BBOF1: variants seen among roughly 807,000 people sequenced by gnomAD.
BBOF1 encodes basal body-orientation factor 1.
Under a neutral mutation model 68.0 loss-of-function variants are expected in BBOF1, and 62 were observed. The observed-to-expected ratio is 0.91, with a 90% CI of 0.74 to 1.13. The LOEUF is 1.13. Among genes scored for constraint, BBOF1 ranks in the 50% most tolerant of loss-of-function variants. BBOF1 has a pLI of 0.00. For synonymous variants in BBOF1, 208 were observed against 198.8 expected (o/e 1.05, Z -0.39); for missense variants, 534 against 600.1 (o/e 0.89, Z 1.15).
At chr14:74,023,925 C>CAA (rs780429164) in intron 2 of BBOF1, among the ~76,000 whole-genome samples, 11 of 46,756 alleles carry the variant, frequency 2.4e-4, no homozygotes, top group Middle Eastern at 0.011. Context: ...GACTCCATCT[C>CAA]AAAAAAAAAA....
chr14:74,026,029 T>C (rs1019377938), intron 2 of BBOF1, among the ~76,000 whole-genome samples: 1 of 151,332 alleles, frequency 6.6e-6, no homozygotes, highest in Non-Finnish European at 1.5e-5. Context: ...CAGTCCCAGC[T>C]GCTTGGGAGG....
rs777296353 is a variant in BBOF1, at chr14:74,079,760, G to A, written n.1537-1307G>A. Among the ~76,000 whole-genome samples, 191 of 152,226 alleles carry A rather than the reference G, an allele frequency of 1.3e-3. 3 individuals carry two copies. The highest frequency in any genetic ancestry group is 4.8e-3 in the Admixed American group (74 of 15,276). ...TTTTTTGTATTTTTAGTGGAGATGC[G>A]GTTTTGTCATGTTGGCCAGGCTGGT... On this transcript the variant is annotated intron_variant and non_coding_transcript_variant, in intron 10 of 12. Coordinates refer to the BBOF1 transcript ENST00000492026.
rs2059344178 is a variant in BBOF1, at chr14:74,023,274, ACTC to A, written c.285+131_285+133del. The A allele has an allele frequency of 5.6e-6, 3 of 536,258 alleles. No individual in the cohort carries two copies. The Admixed American group carries it at 1.0e-4, about 18-fold the overall frequency. The allele number at this position is 536,258 out of a possible 1,614,324, so 33.2% of individuals were successfully genotyped here. A position where few individuals can be genotyped will look rare whatever the true frequency, so the allele number is the denominator to read the frequency against. The stretch of plus-strand genomic sequence containing the variant: ...ACTTAAGACATTTCAATTGACCTTA[ACTC>A]TGTTTGAAGCAAGACACTTTTTCAG... On this transcript the variant is annotated intron_variant, in intron 2 of 11. Transcript: ENST00000394009.
intron 9 of BBOF1, among the ~76,000 whole-genome samples, chr14:74,075,839 T>C (rs1029997074): frequency 6.6e-6 from 1 of 152,140 alleles, no homozygotes; most frequent in African/African-American, 2.4e-5. Flanking sequence ...ATGTCTACCA[T>C]TGGATGGGTG....
intron 12 of BBOF1, among the ~76,000 whole-genome samples, chr14:74,081,499 G>GT (rs983172733): frequency 6.6e-6 from 1 of 152,158 alleles, no homozygotes; most frequent in African/African-American, 2.4e-5. Flanking sequence ...TATTCATATA[G>GT]TTTTTTGACA....
rs1039359092 is a variant in BBOF1 at position 74,037,206 on chromosome 14, G to T, written c.495+3035G>T. On this transcript the variant is annotated intron_variant, in intron 4 of 11. Coordinates refer to ENST00000394009, the MANE Select transcript of BBOF1 (RefSeq NM_025057.3). ...GCCAGGATAGTCTCAATCTCCTGAC[G>T]TCATGATCTGCCCACCTCGGCCTCC... Among the ~76,000 whole-genome samples the T allele has an allele frequency of 8.9e-5, 13 of 146,692 alleles. No individual in the cohort carries two copies. In the Admixed American group the frequency reaches 9.0e-4, roughly 10 times the overall value.
intron 6 of BBOF1, among the ~76,000 whole-genome samples, chr14:74,046,584 G>C (rs1404847537): frequency 1.3e-5 from 2 of 152,052 alleles, no homozygotes; most frequent in Non-Finnish European, 2.9e-5. Context: ...TGTTGGCCGG[G>C]CTGATCTCGA....
At chr14:74,043,442 C>T (rs891173914) in intron 5 of BBOF1, among the ~76,000 whole-genome samples, 1 of 144,992 alleles carries the variant, frequency 6.9e-6, no homozygotes, top group African/African-American at 2.5e-5. Flanking sequence ...CCCAGCTACT[C>T]GGGAGGCTGA....
Position 74,079,287 on chromosome 14 carries a change from C to T in BBOF1, n.1536+935C>T, listed in dbSNP as rs559419807. On this transcript the variant is annotated intron_variant and non_coding_transcript_variant, in intron 10 of 12. Coordinates refer to the BBOF1 transcript ENST00000492026. ...CGTTCAGGAATTTGAGACCTGCCTGCACTCAATGGAGTACAATGGCGCAAT... is the reference window on the plus strand; with the variant it reads ...CGTTCAGGAATTTGAGACCTGCCTGTACTCAATGGAGTACAATGGCGCAAT... Among the ~76,000 whole-genome samples the T allele has an allele frequency of 8.6e-5, 13 of 151,756 alleles. No homozygotes were observed. The South Asian group carries it at 2.7e-3, about 31-fold the overall frequency.
rs1595081315 is a variant in BBOF1 at position 74,053,288 on chromosome 14, T to G, written c.1287-2296T>G. On this transcript the variant is annotated intron_variant, in intron 8 of 11. Coordinates refer to ENST00000394009, the MANE Select transcript of BBOF1 (RefSeq NM_025057.3). ...CCACCATGCCCGGCTAATTTTTGTATTTTTAGTAGAGACGGGGTTTCACCA... is the reference window on the plus strand; with the variant it reads ...CCACCATGCCCGGCTAATTTTTGTAGTTTTAGTAGAGACGGGGTTTCACCA... Among the ~76,000 whole-genome samples the G allele has an allele frequency of 3.3e-5, 5 of 151,658 alleles. No individual in the cohort carries two copies. In the South Asian group the frequency reaches 1.0e-3, roughly 32 times the overall value.
chr14:74,020,893 G>A (rs1468637929), intron 1 of BBOF1, among the ~76,000 whole-genome samples: 11 of 152,144 alleles, frequency 7.2e-5, no homozygotes. Context: ...GCCAGAAAGG[G>A]ACATCAACAG....
At chr14:74,060,522 G>A in intron 11 of BBOF1, 1 of 810,246 alleles carries the variant, frequency 1.2e-6, no homozygotes, top group African/African-American at 1.7e-5. Context: ...TCCTGAGGAA[G>A]ATTTTAGTTA....
chr14:74,041,943 G>A (rs1317008436), intron 5 of BBOF1, among the ~76,000 whole-genome samples: 2 of 152,000 alleles, frequency 1.3e-5, no homozygotes, highest in East Asian at 3.9e-4. Context: ...AGGCTGAGAC[G>A]GGAGAATTGC....
chr14:74,057,346 C>G (rs2060237110), intron 11 of BBOF1, 88 bp downstream of exon 11: 1 of 1,588,296 alleles, frequency 6.3e-7, no homozygotes, highest in Non-Finnish European at 8.6e-7. Flanking sequence ...ATTTTCTCTA[C>G]TAGTTGAGAG....
intron 12 of BBOF1, among the ~76,000 whole-genome samples, chr14:74,082,403 T>G (rs904065926): frequency 9.4e-5 from 13 of 138,760 alleles, no homozygotes; most frequent in Non-Finnish European, 1.7e-4. Context: ...GTTTTTTTTT[T>G]TTTTTTTTTT....
At chr14:74,064,538 G>C in intron 11 of BBOF1, 150 bp from the exon 12 acceptor site, 2 of 720,460 alleles carry the variant, frequency 2.8e-6, no homozygotes, top group Non-Finnish European at 4.9e-6. Flanking sequence ...GATGAAAGGG[G>C]AGAGATGGGG....
intron 2 of BBOF1, among the ~76,000 whole-genome samples, chr14:74,028,699 G>C (rs962551367): frequency 2.6e-5 from 4 of 151,584 alleles, no homozygotes; most frequent in East Asian, 3.9e-4. Context: ...AACATGGCAA[G>C]ACTCCATCTC....
At chr14:74,074,802 G>A (rs954112877) in intron 9 of BBOF1, among the ~76,000 whole-genome samples, 1 of 152,172 alleles carries the variant, frequency 6.6e-6, no homozygotes, top group Admixed American at 6.6e-5. Flanking sequence ...TTTTGACATG[G>A]TAATCCATTT....
downstream of BBOF1, chr14:74,069,109 T>TC (rs879085838): frequency 9.1e-7 from 1 of 1,100,920 alleles, no homozygotes; most frequent in Admixed American, 2.7e-5. Flanking sequence ...TTCTTTTTTT[T>TC]TTTTTTTTTT....
Sources: gnomAD v4.1 joint callset for allele counts (sites outside exome capture counted in the v4.1 genomes callset) on GRCh38, gnomAD v4.1.1 for gene constraint, MANE v1.5 for transcripts, NCBI Gene and HGNC (gene_info 2026-07-23, HGNC 2026-07-21) for gene names.